Variants in LAMC3 observed in about 807,000 individuals in gnomAD.
The protein encoded by LAMC3 is laminin subunit gamma 3.
In LAMC3, 128 loss-of-function variants were observed where a neutral mutation model predicts 173.8. The ratio of observed to expected loss-of-function variants is 0.74; its 90% CI spans 0.64 to 0.85. The LOEUF is 0.85. Ranked by LOEUF, LAMC3 falls within the 40% of genes least tolerant of loss-of-function variation. LAMC3 has a pLI of 0.00. For missense variants in LAMC3, 2,022 were observed against 2,156.0 expected, an observed-to-expected ratio of 0.94 and a Z score of 1.23; for synonymous variants, 897 against 909.1, an observed-to-expected ratio of 0.99 and a Z score of 0.24.
chr9:131,079,082 C>T (rs776633410), intron 22 of LAMC3, 67 bp from the exon 23 acceptor site: 18 of 1,578,500 alleles, frequency 1.1e-5, no homozygotes, highest in Middle Eastern at 1.7e-4. Flanking sequence ...GGCACCTCCC[C>T]CAAGGAGAGG....
intron 27 of LAMC3, 27 bp from the exon 28 acceptor site, chr9:131,091,510 A>G: frequency 6.4e-7 from 1 of 1,564,486 alleles, no homozygotes; most frequent in Non-Finnish European, 8.7e-7. Flanking sequence ...GCTGGCTCAC[A>G]GTGAGGCTGT....
At chr9:131,066,564 G>A (rs1184069905) in intron 13 of LAMC3, among the ~76,000 whole-genome samples, 1 of 152,118 alleles carries the variant, frequency 6.6e-6, no homozygotes, top group Non-Finnish European at 1.5e-5. Flanking sequence ...TGCTGCTGGG[G>A]ATAGTGGTGA....
At chr9:131,021,674 T>G (rs1833627643) in intron 1 of LAMC3, among the ~76,000 whole-genome samples, 2 of 152,130 alleles carry the variant, frequency 1.3e-5, no homozygotes, top group Non-Finnish European at 2.9e-5. Context: ...TCCCACAGGT[T>G]GAGGGCTCAG....
rs563220386 is a variant in LAMC3, at chr9:131,020,233, G to A, written c.374-6052G>A. On this transcript the variant is annotated intron_variant, in intron 1 of 27. Transcript: ENST00000361069. ...GGGTGAGCTGCTCCCAGCCTACAGG[G>A]GAGTCACACCCAGCAGGGTCCCTTA... 2.6e-3 allele frequency among the ~76,000 whole-genome samples: 390 copies of A among 152,240 alleles called. 1 individual carries two copies. The highest frequency in any genetic ancestry group is 4.0e-3 in the Non-Finnish European group (275 of 67,996).
At chr9:131,068,038 C>T (rs1293710874) in intron 14 of LAMC3, 40 bp from the exon 15 acceptor site, 1 of 1,602,118 alleles carries the variant, frequency 6.2e-7, no homozygotes, top group South Asian at 1.1e-5. Flanking sequence ...AACAGACAAT[C>T]TGCATTGTTC....
In LAMC3 at chr9:131,066,900, C is replaced by A. The variant is rs571061279; in HGVS notation, c.2348-60C>A. 22 of 1,601,422 alleles carry A rather than the reference C, an allele frequency of 1.4e-5. No individual in the cohort carries two copies. The South Asian group carries it at 1.4e-4, about 10-fold the overall frequency. ...GGACGCTTGCTCTGCTTCACACCCA[C>A]CCTCATCCCTGGTGGGTCCAGCCAG... On this transcript the variant is annotated intron_variant, in intron 13 of 27. Coordinates refer to ENST00000361069, the MANE Select transcript of LAMC3 (RefSeq NM_006059.4).
At chr9:131,064,619 G>A (rs979520851) in intron 13 of LAMC3, among the ~76,000 whole-genome samples, 9 of 150,164 alleles carry the variant, frequency 6.0e-5, no homozygotes, top group East Asian at 2.0e-4. Flanking sequence ...AGCCGAGATC[G>A]CGCCACTGCA....
At chr9:131,056,171 G>T (rs1216786213) in intron 11 of LAMC3, among the ~76,000 whole-genome samples, 1 of 152,024 alleles carries the variant, frequency 6.6e-6, no homozygotes, top group Non-Finnish European at 1.5e-5. Flanking sequence ...ACTCCAGCCT[G>T]AGTGACAGAG....
rs1405509990 is a variant in LAMC3, at chr9:131,094,212, G to C, written c.*2425G>C. On this transcript the variant is annotated 3_prime_UTR_variant, in exon 28 of 28. Transcript: ENST00000361069. ...GCCATCCCCCATAATGGCCCCAGGT[G>C]TACATGTCATCAGGTCCAGTGCTTG... is the stretch of plus-strand genomic sequence containing the variant. 1.3e-5 allele frequency: 2 copies of C among 152,186 alleles called. No homozygotes were observed. Among genetic ancestry groups the C allele is most frequent in the African/African-American group, 4.8e-5 (2 of 41,426 alleles). 9.4% of individuals were successfully genotyped at this position (152,186 alleles called of 1,614,324 possible).
intron 19 of LAMC3, 92 bp from the exon 20 acceptor site, chr9:131,073,153 C>T: frequency 1.0e-6 from 1 of 967,288 alleles, no homozygotes; most frequent in Non-Finnish European, 1.7e-6. Flanking sequence ...ACGACGGGTG[C>T]CATCCAGTTC....
chr9:131,071,522 G>A lies in LAMC3; in HGVS notation c.3108G>A (p.Gly1036=), dbSNP rs10901344. The A allele has an allele frequency of 0.39, 623,232 of 1,611,690 alleles. 124,232 individuals are homozygous for A. The highest frequency in any genetic ancestry group is 0.45 in the Middle Eastern group (2,737 of 6,052). Residue 1036 remains glycine, a synonymous_variant, in exon 18 of 28, where the codon GGG becomes GGA. Transcript: ENST00000361069. ...KLKARLTLTE[G]WLQGSDCGSP... ...AGGCCAGACTGACTTTGACGGAGGGGTGGCTCCAAGGGTCCGACTGTGGCA... is the reference window on the plus strand; with the variant it reads ...AGGCCAGACTGACTTTGACGGAGGGATGGCTCCAAGGGTCCGACTGTGGCA...
intron 6 of LAMC3, among the ~76,000 whole-genome samples, chr9:131,041,251 T>C: frequency 6.6e-6 from 1 of 151,116 alleles, no homozygotes; most frequent in African/African-American, 2.4e-5. Context: ...CCTGTAGTCC[T>C]AACTACTCAG....
chr9:131,046,230 T>TCAC (rs1834155494), intron 8 of LAMC3, among the ~76,000 whole-genome samples: 1 of 126,940 alleles, frequency 7.9e-6, no homozygotes. Flanking sequence ...TCTTGCTGAG[T>TCAC]CACCAAGGCT....
intron 4 of LAMC3, 23 bp downstream of exon 4, chr9:131,036,355 G>T (rs773221447): frequency 6.2e-7 from 1 of 1,612,302 alleles, no homozygotes; most frequent in African/African-American, 1.3e-5. Context: ...GTGTCACAGG[G>T]CATCAGGGAC....
chr9:131,058,924 A>G (rs1829747429), intron 12 of LAMC3, among the ~76,000 whole-genome samples: 1 of 147,332 alleles, frequency 6.8e-6, no homozygotes. Flanking sequence ...AAGAGGCCAG[A>G]CTTGGGCTCA....
rs2293520 is a variant in LAMC3, at chr9:131,041,890, A to G, written c.1382+155A>G. Reference sequence around the variant, plus strand: ...CTGTGCCCTTCCTGGGGCACCATGTATCTGTCATACAGGAAGTTACTCAAA... The same window carrying G: ...CTGTGCCCTTCCTGGGGCACCATGTGTCTGTCATACAGGAAGTTACTCAAA... On this transcript the variant is annotated intron_variant, in intron 7 of 27. Transcript: ENST00000361069. Among the ~76,000 whole-genome samples, 5,270 of 152,304 alleles carry G rather than the reference A, an allele frequency of 0.035. 135 individuals carry two copies. Among genetic ancestry groups the G allele is most frequent in the East Asian group, 0.062 (321 of 5,176 alleles).
At chr9:131,039,610 G>A (rs1289230578) in intron 6 of LAMC3, among the ~76,000 whole-genome samples, 2 of 152,014 alleles carry the variant, frequency 1.3e-5, no homozygotes, top group Non-Finnish European at 2.9e-5. Flanking sequence ...GTGGGTGAGG[G>A]GGAGGCTGCG....
chr9:131,035,974 G>A (rs1833935890), intron 3 of LAMC3, among the ~76,000 whole-genome samples, 192 bp from the exon 4 acceptor site: 1 of 152,192 alleles, frequency 6.6e-6, no homozygotes, highest in African/African-American at 2.4e-5. Context: ...GAATGGGTTT[G>A]TTCCAGAGCT....
chr9:131,068,293 C>T (rs1362572166), intron 15 of LAMC3, 62 bp downstream of exon 15: 23 of 1,545,946 alleles, frequency 1.5e-5, no homozygotes, highest in Non-Finnish European at 2.0e-5. Context: ...AGGCATCGGG[C>T]AGCCCCCAGG....
Sources: gnomAD v4.1 joint callset for allele counts (sites outside exome capture counted in the v4.1 genomes callset) on GRCh38, gnomAD v4.1.1 for gene constraint, MANE v1.5 for transcripts, NCBI Gene and HGNC (gene_info 2026-07-23, HGNC 2026-07-21) for gene names.